Variants in PDE3B observed in about 807,000 individuals in gnomAD.
The protein encoded by PDE3B is phosphodiesterase 3B.
PDE3B carries 66 observed loss-of-function variants against 116.8 expected under a neutral mutation model. The observed-to-expected ratio is 0.56, with a 90% CI of 0.46 to 0.69. The LOEUF (loss-of-function observed/expected upper bound fraction) is 0.69. PDE3B is among the 30% of genes least tolerant of loss of function. The pLI is 0.00. For synonymous variants in PDE3B, 595 were observed against 533.6 expected (o/e 1.12, Z -1.59); for missense variants, 1,384 against 1,368.1 (o/e 1.01, Z -0.18).
chr11:14,725,289 TTTTCTTTC>T lies in PDE3B; in HGVS notation c.979-46634_979-46627del, dbSNP rs201132972. Among the ~76,000 whole-genome samples, 547 of 148,494 alleles carry T rather than the reference TTTTCTTTC, an allele frequency of 3.7e-3. 4 individuals are homozygous for T. Among genetic ancestry groups the T allele is most frequent in the African/African-American group, 0.013 (514 of 40,128 alleles). The stretch of plus-strand genomic sequence containing the variant: ...TTTCTCTTTCTTTTTCTTTCTTTCT[TTTTCTTTC>T]TTTCTTTCTTTCTCTTTCTTTCTTT... On this transcript the variant is annotated intron_variant, in intron 1 of 15. Coordinates refer to ENST00000282096, the MANE Select transcript of PDE3B (RefSeq NM_000922.4).
At chr11:14,729,868 T>C (rs1415430684) in intron 1 of PDE3B, among the ~76,000 whole-genome samples, 4 of 152,132 alleles carry the variant, frequency 2.6e-5, no homozygotes, top group African/African-American at 9.7e-5. Context: ...TAAACTAGGG[T>C]TCATAGTTGC....
intron 6 of PDE3B, among the ~76,000 whole-genome samples, 161 bp from the exon 7 acceptor site, chr11:14,818,975 A>G (rs1251236106): frequency 6.6e-6 from 1 of 152,190 alleles, no homozygotes; most frequent in Non-Finnish European, 1.5e-5. Context: ...ACACACAGAT[A>G]CTTTCTAGGT....
chr11:14,864,525 G>C (rs1848008514), intron 14 of PDE3B, among the ~76,000 whole-genome samples: 1 of 152,046 alleles, frequency 6.6e-6, no homozygotes, highest in Non-Finnish European at 1.5e-5. Context: ...CATCGCACTT[G>C]TTCTAAAATT....
intron 4 of PDE3B, among the ~76,000 whole-genome samples, chr11:14,801,394 G>T (rs906048079): frequency 2.0e-5 from 3 of 152,206 alleles, no homozygotes; most frequent in Non-Finnish European, 4.4e-5. Context: ...AGGCCCCTTT[G>T]CTTCCGGTCT....
rs1366121882 is a variant in PDE3B, at chr11:14,817,598, T to C, written c.1523-585T>C. On this transcript the variant is annotated intron_variant, in intron 5 of 15. Coordinates refer to ENST00000282096, the MANE Select transcript of PDE3B (RefSeq NM_000922.4). ...AACCCTGTCTCTACAGAAAAATAGG[T>C]AAATTAGCTGGGCACGGTGGCCTGT... is the stretch of plus-strand genomic sequence containing the variant. Among the ~76,000 whole-genome samples the C allele has an allele frequency of 2.6e-5, 4 of 151,664 alleles. 1 individual carries two copies. The highest frequency in any genetic ancestry group is 5.9e-5 in the Non-Finnish European group (4 of 67,902).
Position 14,869,828 on chromosome 11 carries a change from C to A in PDE3B, c.*168C>A, listed in dbSNP as rs1848113995. On this transcript the variant is annotated 3_prime_UTR_variant, in exon 16 of 16. Coordinates refer to ENST00000282096, the MANE Select transcript of PDE3B (RefSeq NM_000922.4). ...TTGCTCTGCTGGCAGTTTCCCACTC[C>A]TATGCACTTTCACAGGAACTAGAAA... 2 of 568,506 alleles carry A rather than the reference C, an allele frequency of 3.5e-6. No homozygotes were observed. Among genetic ancestry groups the A allele is most frequent in the African/African-American group, 3.8e-5 (2 of 53,212 alleles). 35.2% of individuals were successfully genotyped at this position (568,506 alleles called of 1,614,324 possible).
intron 1 of PDE3B, among the ~76,000 whole-genome samples, chr11:14,765,379 T>C (rs1165012809): frequency 3.9e-5 from 6 of 151,906 alleles, no homozygotes; most frequent in Admixed American, 6.6e-5. Context: ...ACTGCTGATG[T>C]TTCACTGTGG....
chr11:14,741,634 A>G, intron 1 of PDE3B, among the ~76,000 whole-genome samples: 1 of 152,116 alleles, frequency 6.6e-6, no homozygotes, highest in Admixed American at 6.5e-5. Context: ...TGTCATTATG[A>G]TGCTAGCTGG....
At chr11:14,790,030 G>A (rs1342226951) in intron 4 of PDE3B, among the ~76,000 whole-genome samples, 4 of 151,920 alleles carry the variant, frequency 2.6e-5, no homozygotes, top group African/African-American at 9.7e-5. Context: ...GTATTACTGA[G>A]CATGTTTTAT....
chr11:14,815,956 C>CAT (rs1859314538), intron 5 of PDE3B, among the ~76,000 whole-genome samples: 2 of 151,570 alleles, frequency 1.3e-5, no homozygotes, highest in Non-Finnish European at 3.0e-5. Context: ...CACACACACA[C>CAT]ACACACACAC....
intron 2 of PDE3B, among the ~76,000 whole-genome samples, chr11:14,781,110 C>A (rs1857985047): frequency 6.6e-6 from 1 of 151,982 alleles, no homozygotes. Context: ...CAAGACTAAA[C>A]AGGAAGAAGT....
At chr11:14,752,032 A>G (rs1055196255) in intron 1 of PDE3B, among the ~76,000 whole-genome samples, 2 of 152,162 alleles carry the variant, frequency 1.3e-5, no homozygotes, top group Non-Finnish European at 2.9e-5. Context: ...GTATGACAAA[A>G]AGTGGACTGA....
At chr11:14,807,412 T>C (rs1398003774) in intron 5 of PDE3B, among the ~76,000 whole-genome samples, 1 of 151,972 alleles carries the variant, frequency 6.6e-6, no homozygotes, top group East Asian at 1.9e-4. Context: ...TGAAAAACAG[T>C]AAAAAGTTCT....
chr11:14,753,715 A>G (rs1857113475), intron 1 of PDE3B, among the ~76,000 whole-genome samples: 1 of 152,134 alleles, frequency 6.6e-6, no homozygotes, highest in African/African-American at 2.4e-5. Flanking sequence ...AGAGGATGAA[A>G]GGGGAGCAGG....
intron 1 of PDE3B, among the ~76,000 whole-genome samples, chr11:14,704,698 T>C (rs1334783821): frequency 6.6e-6 from 1 of 151,706 alleles, no homozygotes. Context: ...GTATAATACG[T>C]ATGTAATAAA....
At chr11:14,740,345 C>T (rs559654371) in intron 1 of PDE3B, among the ~76,000 whole-genome samples, 13 of 152,036 alleles carry the variant, frequency 8.6e-5, no homozygotes, top group South Asian at 2.1e-4. Context: ...TGTATGTGTC[C>T]GGGAATTTAT....
In PDE3B at chr11:14,835,383, C is replaced by G. The variant is rs565497860; in HGVS notation, c.2320+288C>G. Among the ~76,000 whole-genome samples, 12 of 152,120 alleles carry G rather than the reference C, an allele frequency of 7.9e-5. No homozygotes were observed. The East Asian group carries it at 2.3e-3, about 29-fold the overall frequency. On this transcript the variant is annotated intron_variant, in intron 11 of 15. Coordinates refer to ENST00000282096, the MANE Select transcript of PDE3B (RefSeq NM_000922.4). ...TTCTTTCCCCCATTCTTTTGTTTTC[C>G]TCACTGAGGTAGCCACTATCCCGAA...
intron 7 of PDE3B, among the ~76,000 whole-genome samples, chr11:14,826,957 A>T (rs1859712226): frequency 6.6e-6 from 1 of 152,220 alleles, no homozygotes; most frequent in Non-Finnish European, 1.5e-5. Context: ...AGCACATCTA[A>T]AAGGCAATCC....
At chr11:14,849,906 C>T (rs1847704548) in intron 12 of PDE3B, among the ~76,000 whole-genome samples, 1 of 151,730 alleles carries the variant, frequency 6.6e-6, no homozygotes, top group African/African-American at 2.4e-5. Context: ...TAAACTAGTT[C>T]AACCATTGTG....
Sources: allele counts gnomAD v4.1 joint callset (sites outside exome capture counted in the v4.1 genomes callset), GRCh38; gene constraint gnomAD v4.1.1; transcripts MANE v1.5; gene names NCBI Gene and HGNC (gene_info 2026-07-23, HGNC 2026-07-21).